The following FAT3 variants were observed in gnomAD, a reference collection of about 807,000 sequenced individuals.
FAT3 encodes FAT atypical cadherin 3, also known as protocadherin Fat 3.
FAT3 carries 95 observed loss-of-function variants against 310.2 expected under a neutral mutation model. The ratio of observed to expected loss-of-function variants is 0.31; its 90% CI spans 0.26 to 0.36. FAT3 has a LOEUF of 0.36. Among genes scored for constraint, FAT3 ranks in the 10% least tolerant of loss-of-function variants. FAT3 has a pLI of 1.00. For missense variants in FAT3, 5,408 were observed against 5,715.6 expected (o/e 0.95, Z 1.74); for synonymous variants, 2,314 against 2,192.9 (o/e 1.06, Z -1.54).
At chr11:92,422,108 G>A (rs1950544256) in intron 2 of FAT3, among the ~76,000 whole-genome samples, 1 of 152,096 alleles carries the variant, frequency 6.6e-6, no homozygotes, top group Admixed American at 6.6e-5. Context: ...GTGCCATCAG[G>A]GAGACGCACA....
chr11:92,689,840 C>A (rs1943746136), intron 3 of FAT3, among the ~76,000 whole-genome samples: 1 of 152,152 alleles, frequency 6.6e-6, no homozygotes. Context: ...GTCTATCATA[C>A]AAGATCATCT....
intron 2 of FAT3, among the ~76,000 whole-genome samples, chr11:92,436,403 A>G (rs1272784457): frequency 6.6e-6 from 1 of 152,092 alleles, no homozygotes; most frequent in Non-Finnish European, 1.5e-5. Flanking sequence ...CAGTCTTTCA[A>G]AATGCTGGGA....
chr11:92,560,948 T>A (rs1331267525), intron 3 of FAT3, among the ~76,000 whole-genome samples: 2 of 152,212 alleles, frequency 1.3e-5, no homozygotes, highest in African/African-American at 4.8e-5. Flanking sequence ...CAAAAACTTT[T>A]CATACTTTAA....
At chr11:92,570,766 C>T (rs945468384) in intron 3 of FAT3, among the ~76,000 whole-genome samples, 2 of 152,214 alleles carry the variant, frequency 1.3e-5, no homozygotes, top group African/African-American at 2.4e-5. Flanking sequence ...TGTTTGCACA[C>T]TGTTTTGACC....
At chr11:92,580,751 C>G (rs1938747150) in intron 3 of FAT3, among the ~76,000 whole-genome samples, 1 of 152,056 alleles carries the variant, frequency 6.6e-6, no homozygotes, top group Non-Finnish European at 1.5e-5. Context: ...ATGTTTCTGG[C>G]TATCCCCACT....
Position 92,770,685 on chromosome 11 carries a change from G to C in FAT3, c.4196-3356G>C, listed in dbSNP as rs142905687. 8.2e-3 allele frequency among the ~76,000 whole-genome samples: 1,247 copies of C among 152,202 alleles called. 14 individuals carry two copies. Among genetic ancestry groups the C allele is most frequent in the African/African-American group, 0.028 (1,179 of 41,540 alleles). ...TGGAGTGGAAAAGAATCATATGCTA[G>C]GGGAGGGACCTGGAAGCTCTCTAAA... is the stretch of plus-strand genomic sequence containing the variant. On this transcript the variant is annotated intron_variant, in intron 6 of 27. Transcript: ENST00000525166.
intron 3 of FAT3, among the ~76,000 whole-genome samples, chr11:92,598,004 G>T (rs1591502293): frequency 6.6e-6 from 1 of 152,130 alleles, no homozygotes; most frequent in East Asian, 1.9e-4. Flanking sequence ...ACATGAACTT[G>T]TGGTATACAA....
chr11:92,484,130 A>G (rs1345139943), intron 2 of FAT3, among the ~76,000 whole-genome samples: 3 of 152,158 alleles, frequency 2.0e-5, no homozygotes, highest in Non-Finnish European at 4.4e-5. Context: ...CCTTTGTCCA[A>G]AGGTATGTCT....
At chr11:92,636,128 T>C (rs1230199689) in intron 3 of FAT3, among the ~76,000 whole-genome samples, 1 of 152,062 alleles carries the variant, frequency 6.6e-6, no homozygotes, top group African/African-American at 2.4e-5. Context: ...CACGCCTGGC[T>C]ATTTTTGTAT....
At chr11:92,457,441 G>A (rs991561912) in intron 2 of FAT3, among the ~76,000 whole-genome samples, 3 of 152,110 alleles carry the variant, frequency 2.0e-5, no homozygotes, top group Non-Finnish European at 2.9e-5. Flanking sequence ...GCCTCTGGTA[G>A]CTGCCCATGA....
intron 2 of FAT3, among the ~76,000 whole-genome samples, chr11:92,523,150 C>T (rs754398555): frequency 1.3e-5 from 2 of 151,822 alleles, no homozygotes; most frequent in Admixed American, 6.6e-5. Flanking sequence ...CACATCACTG[C>T]GTTTATAATA....
At chr11:92,490,983 G>T (rs375467121) in intron 2 of FAT3, among the ~76,000 whole-genome samples, 11 of 152,030 alleles carry the variant, frequency 7.2e-5, no homozygotes, top group African/African-American at 2.7e-4. Flanking sequence ...CCTTGACCTC[G>T]GTGGCATAAT....
At chr11:92,541,251 C>T (rs1388226837) in intron 3 of FAT3, among the ~76,000 whole-genome samples, 35 of 152,092 alleles carry the variant, frequency 2.3e-4, no homozygotes, top group Non-Finnish European at 4.4e-5. Flanking sequence ...TCAACAGATG[C>T]TCTAAGGTAA....
rs114395942 is a variant in FAT3, at chr11:92,670,753, G to A, written c.3608-26631G>A. Reference sequence around the variant, plus strand: ...AAGAGAAAAAGCATTTTATAAATGGGTCACACCTGTGGCAGGGAAGTGAGA... The same window carrying A: ...AAGAGAAAAAGCATTTTATAAATGGATCACACCTGTGGCAGGGAAGTGAGA... On this transcript the variant is annotated intron_variant, in intron 3 of 27. Transcript: ENST00000525166. Among the ~76,000 whole-genome samples the A allele has an allele frequency of 4.3e-3, 662 of 152,276 alleles. 4 individuals are homozygous for A. The highest frequency in any genetic ancestry group is 0.015 in the African/African-American group (629 of 41,548).
chr11:92,229,331 A>G (rs141892649), intron 1 of FAT3, among the ~76,000 whole-genome samples: 144 of 148,820 alleles, frequency 9.7e-4, no homozygotes, highest in South Asian at 1.5e-3. Flanking sequence ...CAGTGTGACA[A>G]CTTTCTCTGG....
intron 3 of FAT3, among the ~76,000 whole-genome samples, chr11:92,583,991 CCTT>C (rs1299932053): frequency 6.6e-6 from 1 of 151,968 alleles, no homozygotes; most frequent in African/African-American, 2.4e-5. Context: ...CAAAGATTGT[CCTT>C]AGATAGAACA....
intron 3 of FAT3, among the ~76,000 whole-genome samples, chr11:92,623,831 T>G (rs1006464430): frequency 1.3e-5 from 2 of 151,924 alleles, no homozygotes; most frequent in Non-Finnish European, 2.9e-5. Flanking sequence ...TAGTCCCAGC[T>G]ACTCGGGAGG....
chr11:92,352,103 G>A lies in FAT3; in HGVS notation c.-10G>A, dbSNP rs765794834. On this transcript the variant is annotated 5_prime_UTR_variant, in exon 2 of 28. Transcript: ENST00000525166. Reference sequence around the variant, plus strand: ...TCTCTTTCTTCCCTCCAGGATGGAAGTATGATGTGATGGATATAATTATGG... The same window carrying A: ...TCTCTTTCTTCCCTCCAGGATGGAAATATGATGTGATGGATATAATTATGG... The A allele has an allele frequency of 1.5e-6, 2 of 1,314,476 alleles. No homozygotes were observed. Among genetic ancestry groups the A allele is most frequent in the African/African-American group, 3.0e-5 (2 of 66,014 alleles). 81.4% of individuals were successfully genotyped at this position (1,314,476 alleles called of 1,614,324 possible).
intron 13 of FAT3, among the ~76,000 whole-genome samples, chr11:92,827,732 C>G (rs182719402): frequency 6.6e-6 from 1 of 152,288 alleles, no homozygotes; most frequent in South Asian, 2.1e-4. Context: ...ACAGCCTTCC[C>G]TACTAGGAAT....
Sources: gnomAD v4.1 joint callset for allele counts (sites outside exome capture counted in the v4.1 genomes callset) on GRCh38, gnomAD v4.1.1 for gene constraint, MANE v1.5 for transcripts, NCBI Gene and HGNC (gene_info 2026-07-23, HGNC 2026-07-21) for gene names.